H1-8: variants seen among roughly 807,000 people sequenced by gnomAD.
H1-8 encodes H1.8 linker histone.
H1-8 carries 13 observed loss-of-function variants against 19.5 expected under a neutral mutation model. The ratio of observed to expected loss-of-function variants is 0.67; its 90% CI spans 0.43 to 1.06. The LOEUF is 1.06. Among genes scored for constraint, H1-8 ranks in the 50% least tolerant of loss-of-function variants. H1-8 has a pLI of 0.00. For missense variants in H1-8, 432 were observed against 459.8 expected, an observed-to-expected ratio of 0.94 and a Z score of 0.55; for synonymous variants, 193 against 187.6, an observed-to-expected ratio of 1.03 and a Z score of -0.24.
chr3:129,546,941 T>A (rs1001323148), intron 1 of H1-8, among the ~76,000 whole-genome samples: 2 of 152,224 alleles, frequency 1.3e-5, no homozygotes, highest in Non-Finnish European at 2.9e-5. Context: ...GGCTCAAGCC[T>A]GTAATCCCAG....
intron 3 of H1-8, among the ~76,000 whole-genome samples, chr3:129,549,779 C>A (rs1303907961): frequency 1.3e-5 from 2 of 151,976 alleles, no homozygotes; most frequent in Non-Finnish European, 2.9e-5. Context: ...CATGGTGAAC[C>A]CCCGTCTCTG....
At chr3:129,550,661 G>A (rs998185964) in intron 3 of H1-8, 84 bp from the exon 4 acceptor site, 3 of 1,102,022 alleles carry the variant, frequency 2.7e-6, no homozygotes, top group Non-Finnish European at 4.2e-6. Flanking sequence ...CAGGAGGAAT[G>A]GGGGTTCTAG....
intron 4 of H1-8, 119 bp downstream of exon 4, chr3:129,550,928 A>G (rs1030004797): frequency 7.6e-6 from 8 of 1,046,530 alleles, no homozygotes; most frequent in Admixed American, 4.3e-5. Context: ...TTCTTTTCCT[A>G]CAAAGCACAG....
At chr3:129,544,966 C>G (rs1158614980) in intron 1 of H1-8, among the ~76,000 whole-genome samples, 3 of 151,822 alleles carry the variant, frequency 2.0e-5, no homozygotes, top group Admixed American at 6.6e-5. Flanking sequence ...CAGGACCCAA[C>G]AGGGGTCGAA....
chr3:129,543,651 AGGGACT>A (rs1427172055), intron 1 of H1-8, among the ~76,000 whole-genome samples: 4 of 152,164 alleles, frequency 2.6e-5, no homozygotes, highest in African/African-American at 9.7e-5. Flanking sequence ...AGCTAGTTGG[AGGGACT>A]GGGGCAGGAG....
intron 3 of H1-8, among the ~76,000 whole-genome samples, chr3:129,550,533 C>A (rs546065313): frequency 1.3e-5 from 2 of 152,318 alleles, no homozygotes; most frequent in Admixed American, 1.3e-4. Context: ...TTCCGTTAAC[C>A]CTCCAGCCAC....
chr3:129,549,461 T>C (rs2084917793), intron 3 of H1-8, 97 bp downstream of exon 3: 2 of 1,377,620 alleles, frequency 1.5e-6, no homozygotes, highest in African/African-American at 1.4e-5. Context: ...GGTTTCCTTA[T>C]CTAGTGCATG....
In H1-8 at chr3:129,550,826, A is replaced by G; in HGVS notation, c.807+17A>G. The G allele has an allele frequency of 1.2e-6, 2 of 1,607,592 alleles. No homozygotes were observed. The highest frequency in any genetic ancestry group is 1.3e-5 in the African/African-American group (1 of 74,794). ...GCCAGCAAGGTAGGTGCCTGCATGA[A>G]TTTCCTGGCCTGGCTGCCTGCCCTG... On this transcript the variant is annotated intron_variant, in intron 4 of 4. Transcript: ENST00000324382.
At chr3:129,550,522 C>T (rs888722953) in intron 3 of H1-8, among the ~76,000 whole-genome samples, 2 of 152,192 alleles carry the variant, frequency 1.3e-5, no homozygotes, top group African/African-American at 4.8e-5. Flanking sequence ...AGAGCAAGTG[C>T]TTCCGTTAAC....
At chr3:129,545,402 A>G (rs1159910614) in intron 1 of H1-8, among the ~76,000 whole-genome samples, 1 of 151,984 alleles carries the variant, frequency 6.6e-6, no homozygotes, top group Non-Finnish European at 1.5e-5. Context: ...TGCTTCCCCC[A>G]CCCTTGATCC....
intron 3 of H1-8, among the ~76,000 whole-genome samples, chr3:129,550,039 A>G (rs1370812310): frequency 2.0e-5 from 3 of 152,194 alleles, no homozygotes; most frequent in East Asian, 3.8e-4. Flanking sequence ...AGAAGCTGTG[A>G]AGGGCAGCTG....
At chr3:129,547,720 C>A in intron 2 of H1-8, 40 bp downstream of exon 2, 1 of 1,496,514 alleles carries the variant, frequency 6.7e-7, no homozygotes, top group Admixed American at 2.2e-5. Context: ...AGGGTTGGAG[C>A]AATGGTCCTG....
rs1317058418 is a variant in H1-8, at chr3:129,545,641, A to G, written c.89-1750A>G. On this transcript the variant is annotated intron_variant, in intron 1 of 4. Transcript: ENST00000324382. ...AACCACCAATCTGCTTTCTGCATCT[A>G]TGGACTTCTTATTCTGGACATTTCA... is the stretch of plus-strand genomic sequence containing the variant. 2.0e-5 allele frequency among the ~76,000 whole-genome samples: 3 copies of G among 152,274 alleles called. No individual in the cohort carries two copies. The East Asian group carries it at 5.8e-4, about 29-fold the overall frequency.
intron 4 of H1-8, 143 bp from the exon 5 acceptor site, chr3:129,550,964 G>A: frequency 4.2e-6 from 4 of 943,950 alleles, no homozygotes; most frequent in Non-Finnish European, 6.4e-6. Context: ...CTGGTCCCCT[G>A]GCACCCTGGG....
chr3:129,549,214 C>G lies in H1-8; in HGVS notation c.592C>G (p.Arg198Gly). 1 of 1,573,380 alleles carries G rather than the reference C, an allele frequency of 6.4e-7. No homozygotes were observed. Among genetic ancestry groups the G allele is most frequent in the Non-Finnish European group, 8.6e-7 (1 of 1,159,100 alleles). ...PKPGAATEKA[R>G]KQGGAAKDTR... The stretch of plus-strand genomic sequence containing the variant: ...GCCAGGCGCAGCCACAGAGAAGGCT[C>G]GCAAGCAAGGCGGCGCGGCCAAGGA... Residue 198 changes from arginine to glycine, a missense_variant, in exon 3 of 5, where the codon CGC (arginine) becomes GGC (glycine). Transcript: ENST00000324382.
chr3:129,548,439 G>C, intron 2 of H1-8: 2 of 987,174 alleles, frequency 2.0e-6, no homozygotes, highest in Non-Finnish European at 2.4e-6. Context: ...AGGGGCGTCA[G>C]GTGTCTGATG....
At chr3:129,550,303 G>A (rs2084924057) in intron 3 of H1-8, among the ~76,000 whole-genome samples, 1 of 152,196 alleles carries the variant, frequency 6.6e-6, no homozygotes, top group Non-Finnish European at 1.5e-5. Context: ...TTGGGAGGCT[G>A]AGGCAGGAGG....
chr3:129,551,046 C>A, intron 4 of H1-8, 61 bp from the exon 5 acceptor site: 1 of 1,468,976 alleles, frequency 6.8e-7, no homozygotes, highest in Non-Finnish European at 9.4e-7. Flanking sequence ...CCAGAGCCAC[C>A]CAGAGCTGGG....
chr3:129,550,186 T>C (rs2084923297), intron 3 of H1-8, among the ~76,000 whole-genome samples: 1 of 152,158 alleles, frequency 6.6e-6, no homozygotes, highest in East Asian at 1.9e-4. Context: ...AGGTGAGTGC[T>C]GAGCCCAGGA....
Sources: gnomAD v4.1 joint callset for allele counts (sites outside exome capture counted in the v4.1 genomes callset) on GRCh38, gnomAD v4.1.1 for gene constraint, MANE v1.5 for transcripts, NCBI Gene and HGNC (gene_info 2026-07-23, HGNC 2026-07-21) for gene names.